RBFOX1: variants seen among roughly 807,000 people sequenced by gnomAD.
The protein encoded by RBFOX1 is RNA binding protein fox-1 homolog 1.
RBFOX1 carries 8 observed loss-of-function variants against 57.7 expected under a neutral mutation model. The ratio of observed to expected loss-of-function variants is 0.14; its 90% CI spans 0.08 to 0.25. The LOEUF (loss-of-function observed/expected upper bound fraction) is 0.25. Among genes scored for constraint, RBFOX1 ranks in the 10% least tolerant of loss-of-function variants. The pLI, the probability that RBFOX1 is intolerant of heterozygous loss-of-function variation, is 1.00. For missense variants in RBFOX1, 611 were observed against 548.5 expected, an observed-to-expected ratio of 1.11 and a Z score of -1.14; for synonymous variants, 326 against 222.4, an observed-to-expected ratio of 1.47 and a Z score of -4.15.
At chr16:6,767,975 A>G (rs1246805763) in intron 3 of RBFOX1, among the ~76,000 whole-genome samples, 2 of 146,936 alleles carry the variant, frequency 1.4e-5, no homozygotes, top group African/African-American at 5.0e-5. Flanking sequence ...GAAGAAGAAG[A>G]AGAAGAAGAA....
At chr16:6,425,673 G>C (rs1422168457) in intron 2 of RBFOX1, among the ~76,000 whole-genome samples, 4 of 152,122 alleles carry the variant, frequency 2.6e-5, no homozygotes, top group Non-Finnish European at 5.9e-5. Flanking sequence ...TTTCTGTGGG[G>C]AAGATTTGTA....
At chr16:7,390,884 A>G in intron 4 of RBFOX1, among the ~76,000 whole-genome samples, 1 of 152,254 alleles carries the variant, frequency 6.6e-6, no homozygotes, top group East Asian at 1.9e-4. Flanking sequence ...AGAGTTGGGA[A>G]TGTAGAAAAA....
intron 4 of RBFOX1, among the ~76,000 whole-genome samples, chr16:7,293,450 C>G (rs533096715): frequency 1.3e-5 from 2 of 152,140 alleles, no homozygotes; most frequent in African/African-American, 2.4e-5. Flanking sequence ...ATCACATCTT[C>G]CATTCTCTCT....
chr16:6,580,904 C>G (rs1442935573), intron 2 of RBFOX1, among the ~76,000 whole-genome samples: 2 of 94,966 alleles, frequency 2.1e-5, no homozygotes, highest in South Asian at 3.6e-4. Context: ...CTCATTTGGG[C>G]TTGCTTTTTT....
intron 2 of RBFOX1, among the ~76,000 whole-genome samples, chr16:5,567,985 A>C (rs557407070): frequency 6.6e-6 from 1 of 152,246 alleles, no homozygotes; most frequent in African/African-American, 2.4e-5. Context: ...TGTCCTCTGA[A>C]TTCCACCATG....
At chr16:7,707,979 A>G (rs1465202866) in intron 14 of RBFOX1, among the ~76,000 whole-genome samples, 3 of 152,162 alleles carry the variant, frequency 2.0e-5, no homozygotes, top group South Asian at 2.1e-4. Flanking sequence ...CTCCAGGAAA[A>G]TATCTGGCAG....
intron 2 of RBFOX1, among the ~76,000 whole-genome samples, chr16:6,593,708 A>G (rs2097747030): frequency 6.6e-6 from 1 of 152,160 alleles, no homozygotes; most frequent in African/African-American, 2.4e-5. Flanking sequence ...TAAGATTTTT[A>G]CTTCTTATTT....
intron 1 of RBFOX1, among the ~76,000 whole-genome samples, chr16:5,419,546 C>T (rs1025821867): frequency 1.3e-5 from 2 of 151,928 alleles, no homozygotes; most frequent in African/African-American, 4.8e-5. Context: ...TAGACACACC[C>T]AGGAACAATG....
chr16:6,961,595 G>A (rs1198553046), intron 3 of RBFOX1, among the ~76,000 whole-genome samples: 1 of 152,102 alleles, frequency 6.6e-6, no homozygotes, highest in East Asian at 1.9e-4. Flanking sequence ...CAGCTCTGAG[G>A]GCTGCTGATT....
intron 1 of RBFOX1, chr16:6,090,053 C>T (rs534404166): frequency 1.3e-5 from 2 of 152,242 alleles, no homozygotes; most frequent in East Asian, 3.9e-4. Flanking sequence ...TGGGTACAGT[C>T]CCTTTCCTTG....
intron 4 of RBFOX1, among the ~76,000 whole-genome samples, chr16:7,225,493 G>A (rs891693822): frequency 6.6e-6 from 1 of 151,928 alleles, no homozygotes; most frequent in Non-Finnish European, 1.5e-5. Flanking sequence ...ACGTATAACT[G>A]TAAGTCCATT....
In RBFOX1 at chr16:5,611,705, C is replaced by CCCATCCGTCCATCTCTCCAT. The variant is rs772335203; in HGVS notation, c.318+12750_318+12751insGTCCATCTCTCCATCCATCC. ...ATCCACCCACTCCCCCACCCACTCT[C>CCCATCCGTCCATCTCTCCAT]CCATCCATCCATCTATCCATCCATC... On this transcript the variant is annotated intron_variant, in intron 3 of 19. Coordinates refer to the RBFOX1 transcript ENST00000641259. Among the ~76,000 whole-genome samples the CCCATCCGTCCATCTCTCCAT allele has an allele frequency of 8.0e-5, 8 of 100,200 alleles. 1 individual carries two copies. In the South Asian group the frequency reaches 2.2e-3, roughly 28 times the overall value. 65.7% of individuals were successfully genotyped at this position (100,200 alleles called of 152,430 possible). A position where few individuals can be genotyped will look rare whatever the true frequency, so the allele number is the denominator to read the frequency against.
intron 4 of RBFOX1, among the ~76,000 whole-genome samples, chr16:7,209,248 T>C (rs1026252916): frequency 2.0e-5 from 3 of 151,834 alleles, no homozygotes; most frequent in African/African-American, 7.3e-5. Flanking sequence ...GGCAGGAGAA[T>C]CACTTGAACC....
intron 1 of RBFOX1, among the ~76,000 whole-genome samples, chr16:5,460,969 T>A (rs2068770216): frequency 6.6e-6 from 1 of 152,124 alleles, no homozygotes; most frequent in South Asian, 2.1e-4. Flanking sequence ...ATGTCAAGGT[T>A]GAAATTCTGC....
chr16:7,463,501 C>T (rs1212098109), intron 4 of RBFOX1, among the ~76,000 whole-genome samples: 1 of 151,944 alleles, frequency 6.6e-6, no homozygotes, highest in Non-Finnish European at 1.5e-5. Context: ...GAGACTTGGT[C>T]TCAAAAAAAC....
At chr16:7,418,888 TTTG>T (rs1313656730) in intron 4 of RBFOX1, among the ~76,000 whole-genome samples, 1 of 151,940 alleles carries the variant, frequency 6.6e-6, no homozygotes, top group Non-Finnish European at 1.5e-5. Context: ...GAGGTTTTTT[TTTG>T]TTGTTGTTTC....
intron 4 of RBFOX1, among the ~76,000 whole-genome samples, chr16:7,098,742 G>T (rs2062126615): frequency 6.6e-6 from 1 of 151,952 alleles, no homozygotes; most frequent in African/African-American, 2.4e-5. Flanking sequence ...TTGAGCTCAG[G>T]AGTTTGAGAC....
intron 2 of RBFOX1, among the ~76,000 whole-genome samples, chr16:6,570,262 T>A (rs893434184): frequency 6.6e-6 from 1 of 152,214 alleles, no homozygotes; most frequent in Non-Finnish European, 1.5e-5. Flanking sequence ...CCCCCTTCAC[T>A]GTAAGATACT....
rs117833077 is a variant in RBFOX1, at chr16:5,818,243, G to A, written c.319-49060G>A. ...ATGGTGCCTCCAGGCATTGTGTACC[G>A]TCATCAGTTTTGCATATGAGGCAAT... On this transcript the variant is annotated intron_variant, in intron 3 of 19. Coordinates refer to the RBFOX1 transcript ENST00000641259. Among the ~76,000 whole-genome samples, 363 of 152,270 alleles carry A rather than the reference G, an allele frequency of 2.4e-3. 1 individual carries two copies. The Middle Eastern group carries it at 0.027, about 11-fold the overall frequency.
Sources: gnomAD v4.1 joint callset for allele counts (sites outside exome capture counted in the v4.1 genomes callset) on GRCh38, gnomAD v4.1.1 for gene constraint, MANE v1.5 for transcripts, NCBI Gene and HGNC (gene_info 2026-07-23, HGNC 2026-07-21) for gene names.